Variants in SESN1 observed in about 807,000 individuals in gnomAD.
The protein encoded by SESN1 is sestrin-1.
Under a neutral mutation model 59.3 loss-of-function variants are expected in SESN1, and 30 were observed. The observed-to-expected ratio is 0.51, with a 90% CI of 0.38 to 0.69. The LOEUF is 0.69. Ranked by LOEUF, SESN1 falls within the 30% of genes least tolerant of loss-of-function variation. SESN1 has a pLI of 0.00. For missense variants in SESN1, 566 were observed against 673.0 expected (o/e 0.84, Z 1.76); for synonymous variants, 197 against 219.9 (o/e 0.90, Z 0.92).
chr6:109,077,589 A>G (rs1366261350), intron 1 of SESN1, among the ~76,000 whole-genome samples: 1 of 152,180 alleles, frequency 6.6e-6, no homozygotes, highest in Non-Finnish European at 1.5e-5. Context: ...ATCTGGTGTG[A>G]CCCACATGAT....
chr6:109,020,175 G>A (rs536751876), intron 1 of SESN1, among the ~76,000 whole-genome samples: 1 of 152,254 alleles, frequency 6.6e-6, no homozygotes, highest in African/African-American at 2.4e-5. Flanking sequence ...TGAGGCCTAA[G>A]CTTCTTCTTT....
chr6:109,080,171 G>A (rs940619790), intron 1 of SESN1, among the ~76,000 whole-genome samples: 1 of 152,122 alleles, frequency 6.6e-6, no homozygotes, highest in African/African-American at 2.4e-5. Context: ...GGAAGGGGAC[G>A]TTCAGCACTG....
At chr6:108,998,886 ACATGTAGAACCCAGAATT>A in intron 4 of SESN1, 131 bp from the exon 5 acceptor site, 1 of 1,109,678 alleles carries the variant, frequency 9.0e-7, no homozygotes, top group Non-Finnish European at 1.2e-6. Flanking sequence ...ATCATTTGAA[ACATGTAGAACCCAGAATT>A]TGCTAATTTT....
chr6:109,054,087 G>A (rs373879450), intron 1 of SESN1, among the ~76,000 whole-genome samples: 2 of 151,738 alleles, frequency 1.3e-5, no homozygotes, highest in Admixed American at 6.6e-5. Flanking sequence ...AATTTTTTGG[G>A]GGGGGAGGGA....
chr6:109,043,964 AT>A (rs1439700353), intron 1 of SESN1, among the ~76,000 whole-genome samples: 1 of 152,196 alleles, frequency 6.6e-6, no homozygotes, highest in Non-Finnish European at 1.5e-5. Context: ...ACACATATCA[AT>A]GGAACAGAAT....
chr6:109,065,077 A>C (rs1335377795), intron 1 of SESN1, among the ~76,000 whole-genome samples: 1 of 152,102 alleles, frequency 6.6e-6, no homozygotes, highest in African/African-American at 2.4e-5. Flanking sequence ...TTTTGCACTT[A>C]TTTCCAATCC....
intron 5 of SESN1, among the ~76,000 whole-genome samples, chr6:108,996,222 A>G (rs1562454329): frequency 2.0e-5 from 3 of 152,322 alleles, no homozygotes; most frequent in South Asian, 2.1e-4. Context: ...GAGACAATCT[A>G]TATCACTTGT....
chr6:109,041,331 AT>A (rs1780339696), intron 1 of SESN1, among the ~76,000 whole-genome samples: 1 of 152,100 alleles, frequency 6.6e-6, no homozygotes, highest in Non-Finnish European at 1.5e-5. Flanking sequence ...ATTTAAAAAA[AT>A]AAAATAAAAT....
At chr6:109,047,945 A>C (rs1275379831) in intron 1 of SESN1, among the ~76,000 whole-genome samples, 1 of 146,854 alleles carries the variant, frequency 6.8e-6, no homozygotes, top group African/African-American at 2.5e-5. Flanking sequence ...GTACCCAGGG[A>C]CACAAACACT....
At chr6:109,061,435 G>T (rs1243907101) in intron 1 of SESN1, among the ~76,000 whole-genome samples, 5 of 152,108 alleles carry the variant, frequency 3.3e-5, no homozygotes, top group Non-Finnish European at 7.4e-5. Context: ...AAAAATTAAA[G>T]GGGATGTATC....
At chr6:109,009,226 G>C in intron 1 of SESN1, 1 of 903,258 alleles carries the variant, frequency 1.1e-6, no homozygotes, top group South Asian at 3.1e-5. Flanking sequence ...CGCCCTATCT[G>C]GGGAGCGTTT....
At chr6:109,026,964 G>A (rs1282902090) in intron 1 of SESN1, among the ~76,000 whole-genome samples, 1 of 151,996 alleles carries the variant, frequency 6.6e-6, no homozygotes, top group East Asian at 1.9e-4. Flanking sequence ...GAGGCCTGGA[G>A]GTCAAGACCA....
chr6:109,032,272 C>T (rs980982231), intron 1 of SESN1, among the ~76,000 whole-genome samples: 4 of 151,442 alleles, frequency 2.6e-5, no homozygotes, highest in African/African-American at 4.9e-5. Context: ...AACTCTGCCT[C>T]AAAAAAGTCT....
rs1779141673 is a variant in SESN1 at position 108,984,883 on chromosome 6, T to G, written c.*2661A>C. Among the ~76,000 whole-genome samples, 2 of 152,144 alleles carry G rather than the reference T, an allele frequency of 1.3e-5. No homozygotes were observed. The highest frequency in any genetic ancestry group is 4.8e-5 in the African/African-American group (2 of 41,414). ...GTGCGGCCTTTTCCTGGCTTTGCAT[T>G]TGCCTAAATGCTGCAGTTTCCCAAT... On this transcript the variant is annotated 3_prime_UTR_variant, in exon 10 of 10. Transcript: ENST00000436639.
rs1448953598 is a variant in SESN1 at position 108,988,577 on chromosome 6, T to C, written c.1535A>G (p.Asp512Gly). ...TPEKVTKRMY[D>G]SFWRQFKHSE... ...GTGCTTGAACTGCCTCCAGAAGCTA[T>C]CATACATTCTTTTGGTAACCTTTTC... Residue 512 changes from aspartate (D) to glycine (G), a missense_variant, in exon 9 of 10, where the codon GAT becomes GGT. Transcript: ENST00000436639. 20 of 1,612,972 alleles carry C rather than the reference T, an allele frequency of 1.2e-5. No individual in the cohort carries two copies. Among genetic ancestry groups the C allele is most frequent in the Admixed American group, 1.7e-5 (1 of 59,838 alleles).
At chr6:108,991,992 C>T (rs1779395228) in intron 7 of SESN1, among the ~76,000 whole-genome samples, 1 of 152,200 alleles carries the variant, frequency 6.6e-6, no homozygotes, top group Admixed American at 6.5e-5. Flanking sequence ...TTCTTCAAAT[C>T]CTAATGTCCC....
intron 1 of SESN1, chr6:109,009,228 G>A (rs1779804637): frequency 2.2e-6 from 2 of 913,960 alleles, no homozygotes; most frequent in Non-Finnish European, 2.9e-6. Flanking sequence ...CCCTATCTGG[G>A]GAGCGTTTTC....
At chr6:109,017,477 G>A (rs1779945431) in intron 1 of SESN1, among the ~76,000 whole-genome samples, 1 of 152,056 alleles carries the variant, frequency 6.6e-6, no homozygotes, top group Admixed American at 6.6e-5. Context: ...AGTAGAGACG[G>A]GGTTTCACCA....
intron 1 of SESN1, among the ~76,000 whole-genome samples, chr6:109,080,097 A>C (rs1480010781): frequency 6.6e-6 from 1 of 152,196 alleles, no homozygotes; most frequent in Admixed American, 6.5e-5. Context: ...GCAGTCTTTC[A>C]GCTATAAAGC....
Sources: gnomAD v4.1 joint callset for allele counts (sites outside exome capture counted in the v4.1 genomes callset) on GRCh38, gnomAD v4.1.1 for gene constraint, MANE v1.5 for transcripts, NCBI Gene and HGNC (gene_info 2026-07-23, HGNC 2026-07-21) for gene names.